The following SNX6 variants were observed in gnomAD, a reference collection of about 807,000 sequenced individuals.
The protein encoded by SNX6 is sorting nexin-6.
Under a neutral mutation model 63.0 loss-of-function variants are expected in SNX6, and 34 were observed. The ratio of observed to expected loss-of-function variants is 0.54; its 90% CI spans 0.41 to 0.72. The LOEUF is 0.72. Ranked by LOEUF, SNX6 falls within the 30% of genes least tolerant of loss-of-function variation. The pLI is 0.00. For synonymous variants in SNX6, 170 were observed against 164.2 expected (o/e 1.04, Z -0.27); for missense variants, 398 against 471.4 (o/e 0.84, Z 1.44).
intron 9 of SNX6, among the ~76,000 whole-genome samples, chr14:34,584,762 T>TAG (rs138178248): frequency 6.2e-4 from 94 of 151,340 alleles, no homozygotes; most frequent in Middle Eastern, 3.4e-3. Flanking sequence ...AAAATATATA[T>TAG]AGAGAGAGAG....
chr14:34,583,235 G>C (rs1188751050), intron 9 of SNX6, among the ~76,000 whole-genome samples: 4 of 152,122 alleles, frequency 2.6e-5, no homozygotes, highest in Admixed American at 1.3e-4. Context: ...TGTGAACCCG[G>C]GAGGTGGAGC....
At chr14:34,572,848 T>G (rs1881510130) in intron 11 of SNX6, among the ~76,000 whole-genome samples, 3 of 151,842 alleles carry the variant, frequency 2.0e-5, no homozygotes, top group African/African-American at 7.3e-5. Flanking sequence ...GCCCGGCTAA[T>G]TTTTTGTATT....
intron 13 of SNX6, among the ~76,000 whole-genome samples, chr14:34,564,721 A>G (rs1204253121): frequency 6.6e-6 from 1 of 151,402 alleles, no homozygotes; most frequent in African/African-American, 2.4e-5. Context: ...CAGCTATTCG[A>G]GAGGCTGAGG....
chr14:34,604,353 T>C, intron 5 of SNX6: 1 of 1,099,562 alleles, frequency 9.1e-7, no homozygotes, highest in Non-Finnish European at 1.1e-6. Flanking sequence ...TCATTTCCAA[T>C]TTTCAGTCTT....
In SNX6 at chr14:34,575,749, A is replaced by T. The variant is rs1594700951; in HGVS notation, c.921+7T>A. On this transcript the variant is annotated splice_region_variant and intron_variant, in intron 11 of 13. Transcript: ENST00000362031. The stretch of plus-strand genomic sequence containing the variant: ...AAATGGCTCATTTAAAAAAAGATTA[A>T]AATTACCTTAGCAGCTTGAGATTCT... The T allele has an allele frequency of 1.3e-6, 2 of 1,533,642 alleles. No homozygotes were observed.
At chr14:34,607,821 C>A (rs1883078591) in intron 4 of SNX6, among the ~76,000 whole-genome samples, 1 of 151,882 alleles carries the variant, frequency 6.6e-6, no homozygotes, top group South Asian at 2.1e-4. Flanking sequence ...GGCAGGAGAA[C>A]TGCTTGAACC....
chr14:34,571,106 G>A (rs746227388), intron 11 of SNX6, among the ~76,000 whole-genome samples: 29 of 151,770 alleles, frequency 1.9e-4, no homozygotes, highest in Non-Finnish European at 3.7e-4. Flanking sequence ...ATATTATTCA[G>A]CACTAAGAAG....
intron 13 of SNX6, among the ~76,000 whole-genome samples, chr14:34,566,688 T>G (rs112034227): frequency 3.9e-5 from 6 of 152,334 alleles, no homozygotes; most frequent in African/African-American, 1.4e-4. Flanking sequence ...TCTAAGATTC[T>G]CTATTCTTAA....
chr14:34,588,199 G>C (rs1161163966), intron 8 of SNX6, among the ~76,000 whole-genome samples: 1 of 152,006 alleles, frequency 6.6e-6, no homozygotes, highest in Non-Finnish European at 1.5e-5. Flanking sequence ...AGTAGAGACA[G>C]GGTTTCACCG....
intron 8 of SNX6, among the ~76,000 whole-genome samples, chr14:34,588,254 G>A (rs1271016952): frequency 2.6e-5 from 4 of 152,060 alleles, no homozygotes; most frequent in Admixed American, 2.0e-4. Flanking sequence ...TGATCGGCCC[G>A]CCTTAGCTTC....
intron 13 of SNX6, 81 bp from the exon 14 acceptor site, chr14:34,563,256 G>C: frequency 7.3e-7 from 1 of 1,369,126 alleles, no homozygotes; most frequent in Non-Finnish European, 1.0e-6. Flanking sequence ...AGTTAGAAAC[G>C]ACATAAAATA....
At chr14:34,585,335 T>C (rs1594712666) in intron 9 of SNX6, among the ~76,000 whole-genome samples, 1 of 151,842 alleles carries the variant, frequency 6.6e-6, no homozygotes, top group Non-Finnish European at 1.5e-5. Flanking sequence ...GCCTGGCCAA[T>C]ATGGTGAAAC....
At position 34,575,833 on chromosome 14, in the gene SNX6, C is replaced by T. The variant is rs945840887; in HGVS notation, c.844G>A (p.Ala282Thr). Residue 282 changes from alanine to threonine, a missense_variant, in exon 11 of 14, where the codon GCA becomes ACA. By Grantham distance (58) the Ala-to-Thr change is moderately conservative. Transcript: ENST00000362031. ...AGGTCTTCATCAGCAGACACTCGTGCTTCTATTTTCTGAAAAGAAGGAAAA... is the reference window on the plus strand; with the variant it reads ...AGGTCTTCATCAGCAGACACTCGTGTTTCTATTTTCTGAAAAGAAGGAAAA... ...ELFDKTRKIE[A>T]RVSADEDLKL... The T allele has an allele frequency of 1.9e-6, 3 of 1,575,208 alleles. No homozygotes were observed. In the South Asian group the frequency reaches 3.5e-5, roughly 19 times the overall value.
At chr14:34,568,897 T>C (rs1195631714) in intron 11 of SNX6, 14 of 1,229,044 alleles carry the variant, frequency 1.1e-5, no homozygotes, top group Non-Finnish European at 1.7e-5. Flanking sequence ...CCCATAGATC[T>C]TGGTCATGGA....
chr14:34,611,801 C>G (rs998317065), intron 2 of SNX6, among the ~76,000 whole-genome samples: 3 of 147,490 alleles, frequency 2.0e-5, no homozygotes, highest in African/African-American at 7.5e-5. Context: ...TTTTTGGAGA[C>G]TGAGTCTCGC....
intron 9 of SNX6, among the ~76,000 whole-genome samples, chr14:34,584,018 T>G (rs1882051796): frequency 6.6e-6 from 1 of 151,736 alleles, no homozygotes. Flanking sequence ...AGGCTAATTT[T>G]GTGTTTTTAG....
chr14:34,610,747 T>C (rs1883196930), intron 2 of SNX6, among the ~76,000 whole-genome samples: 1 of 152,112 alleles, frequency 6.6e-6, no homozygotes, highest in Non-Finnish European at 1.5e-5. Flanking sequence ...AAACAATAAA[T>C]AACTTGTTTG....
At chr14:34,563,804 T>C (rs962088134) in intron 13 of SNX6, among the ~76,000 whole-genome samples, 5 of 152,114 alleles carry the variant, frequency 3.3e-5, no homozygotes, top group Non-Finnish European at 7.4e-5. Context: ...AATGGCACCA[T>C]CTCAGGTCAC....
At chr14:34,595,275 T>C (rs952091196) in intron 7 of SNX6, among the ~76,000 whole-genome samples, 1 of 152,066 alleles carries the variant, frequency 6.6e-6, no homozygotes, top group Admixed American at 6.6e-5. Context: ...GTAGCTGGGA[T>C]TACAGCCACG....
Sources: allele counts gnomAD v4.1 joint callset (sites outside exome capture counted in the v4.1 genomes callset), GRCh38; gene constraint gnomAD v4.1.1; transcripts MANE v1.5; gene names NCBI Gene and HGNC (gene_info 2026-07-23, HGNC 2026-07-21).